The following PRRC2C variants were observed in gnomAD, a reference collection of about 807,000 sequenced individuals.
PRRC2C encodes the protein proline rich coiled-coil 2C.
A neutral mutation model predicts 317.2 loss-of-function variants in PRRC2C; 72 were observed. The observed-to-expected ratio is 0.23, with a 90% CI of 0.19 to 0.28. The LOEUF is 0.28. Among genes scored for constraint, PRRC2C ranks in the 10% least tolerant of loss-of-function variants. PRRC2C has a pLI of 1.00. For missense variants in PRRC2C, 3,074 were observed against 3,459.7 expected (o/e 0.89, Z 2.80); for synonymous variants, 1,296 against 1,205.9 (o/e 1.07, Z -1.55).
Position 171,550,103 on chromosome 1 carries a change from G to T in PRRC2C, c.4990G>T (p.Asp1664Tyr). The change falls in exon 18 of 35, where the codon GAT becomes TAT. Residue 1664 changes from aspartate (D) to tyrosine (Y), a missense_variant. Transcript: ENST00000647382. ...NNYASVVIID[D>Y]HPEVTVIEDP... ...ACCCACAGGTGTTGTTATAATTGATGATCATCCTGAAGTAACAGTAATTGA... is the reference window on the plus strand; with the variant it reads ...ACCCACAGGTGTTGTTATAATTGATTATCATCCTGAAGTAACAGTAATTGA... 1 of 1,601,414 alleles carries T rather than the reference G, an allele frequency of 6.2e-7. No individual in the cohort carries two copies. Among genetic ancestry groups the T allele is most frequent in the South Asian group, 1.1e-5 (1 of 88,758 alleles).
intron 1 of PRRC2C, among the ~76,000 whole-genome samples, chr1:171,487,969 G>A (rs1666434524): frequency 9.5e-6 from 1 of 105,290 alleles, no homozygotes; most frequent in Non-Finnish European, 2.1e-5. Context: ...AATATCCCTG[G>A]GATGAGTATC....
chr1:171,488,485 G>A (rs1053573792), intron 1 of PRRC2C, among the ~76,000 whole-genome samples: 1 of 152,184 alleles, frequency 6.6e-6, no homozygotes, highest in Non-Finnish European at 1.5e-5. Context: ...TCTATAGAGA[G>A]GGTAACTTTA....
chr1:171,508,820 A>G (rs1003722475), intron 1 of PRRC2C, among the ~76,000 whole-genome samples: 2 of 152,196 alleles, frequency 1.3e-5, no homozygotes, highest in South Asian at 2.1e-4. Flanking sequence ...TTCTTATAAC[A>G]TATTTACATT....
chr1:171,517,718 G>A lies in PRRC2C; in HGVS notation c.654G>A (p.Val218=), dbSNP rs1672636474. Residue 218 remains valine (V), a synonymous_variant, in exon 6 of 35, where the codon GTG becomes GTA. Coordinates refer to ENST00000647382, the MANE Select transcript of PRRC2C (RefSeq NM_001387844.1). ...GTSEQNDILK[V]VEKRIACGPP... The stretch of plus-strand genomic sequence containing the variant: ...CAGAGCAAAATGATATCCTCAAAGT[G>A]GTGGAAAAGAGGATAGCTTGTGGTC... The A allele has an allele frequency of 1.2e-6, 2 of 1,613,728 alleles. No individual in the cohort carries two copies. Among genetic ancestry groups the A allele is most frequent in the Non-Finnish European group, 1.7e-6 (2 of 1,179,842 alleles).
chr1:171,541,915 A>G lies in PRRC2C; in HGVS notation c.4449A>G (p.Pro1483=), dbSNP rs752346282. The G allele has an allele frequency of 2.5e-6, 4 of 1,613,924 alleles. No homozygotes were observed. The South Asian group carries it at 4.4e-5, about 18-fold the overall frequency. Reference sequence around the variant, plus strand: ...GGGATATTTCCGGGAATAAGACACCAGATTTATCTAATCAGAACTCTTCAG... The same window carrying G: ...GGGATATTTCCGGGAATAAGACACCGGATTTATCTAATCAGAACTCTTCAG... ...TLGDISGNKT[P]DLSNQNSSDQ... is the part of the protein sequence containing the mutation. Residue 1483 remains proline, a synonymous_variant, in exon 16 of 35, where the codon CCA becomes CCG. Transcript: ENST00000647382. The surrounding 1 kb of genome is among the most constrained non-coding windows in gnomAD (Gnocchi z 4.1).
intron 15 of PRRC2C, among the ~76,000 whole-genome samples, chr1:171,539,522 A>G (rs59025168): frequency 0.082 from 12,400 of 152,018 alleles, 1,672 homozygotes; most frequent in African/African-American, 0.28. Context: ...TATTTCCTAT[A>G]TTATACCTAT....
chr1:171,561,438 G>GC (rs1682692625), intron 20 of PRRC2C, among the ~76,000 whole-genome samples: 1 of 152,172 alleles, frequency 6.6e-6, no homozygotes, highest in Non-Finnish European at 1.5e-5. Flanking sequence ...AGGTGATAGA[G>GC]CAAGACCCCA....
chr1:171,552,167 A>C (rs1680377129), intron 18 of PRRC2C, among the ~76,000 whole-genome samples: 1 of 152,166 alleles, frequency 6.6e-6, no homozygotes, highest in Non-Finnish European at 1.5e-5. Context: ...CTTCTTGAAG[A>C]GGTCCTTCAC....
chr1:171,496,684 CACCAGAA>C (rs1466802102), intron 1 of PRRC2C, among the ~76,000 whole-genome samples: 1 of 152,108 alleles, frequency 6.6e-6, no homozygotes, highest in Admixed American at 6.6e-5. Context: ...ACCCTGTCAT[CACCAGAA>C]ACTTTAAATT....
At chr1:171,584,213 A>G in intron 29 of PRRC2C, 26 bp downstream of exon 29, 1 of 1,544,674 alleles carries the variant, frequency 6.5e-7, no homozygotes, top group Non-Finnish European at 8.9e-7. Flanking sequence ...AGAGCAATGC[A>G]CCCTCATTGT....
chr1:171,566,382 G>A lies in PRRC2C; in HGVS notation c.6267G>A (p.Arg2089=), dbSNP rs759607259. 25 of 1,587,886 alleles carry A rather than the reference G, an allele frequency of 1.6e-5. No individual in the cohort carries two copies. Among genetic ancestry groups the A allele is most frequent in the Admixed American group, 7.2e-5 (4 of 55,770 alleles). The change falls in exon 21 of 35, where the codon CGG becomes CGA. Residue 2089 remains arginine (R), a synonymous_variant. Coordinates refer to ENST00000647382, the MANE Select transcript of PRRC2C (RefSeq NM_001387844.1). The stretch of plus-strand genomic sequence containing the variant: ...AAATACCTGAACCTAAAGAACAGCG[G>A]CAGAAGCAGCCACGAGCAGGACCTA... The part of the protein sequence containing the change: ...ADKIPEPKEQ[R]QKQPRAGPIK...
chr1:171,566,226 T>C lies in PRRC2C; in HGVS notation c.6118-7T>C, dbSNP rs748811513. The stretch of plus-strand genomic sequence containing the variant: ...TGCAAGCAAGTTTTAAAATATTCTT[T>C]TACTAGGGAGCGAAGAATGGTCAAG... On this transcript the variant is annotated splice_polypyrimidine_tract_variant and splice_region_variant and intron_variant, in intron 20 of 34. Coordinates refer to ENST00000647382, the MANE Select transcript of PRRC2C (RefSeq NM_001387844.1). The C allele has an allele frequency of 6.2e-7, 1 of 1,601,592 alleles. No individual in the cohort carries two copies. The highest frequency in any genetic ancestry group is 1.3e-5 in the African/African-American group (1 of 74,766).
At chr1:171,588,544 A>C in intron 33 of PRRC2C, 39 bp downstream of exon 33, 1 of 1,586,532 alleles carries the variant, frequency 6.3e-7, no homozygotes, top group Non-Finnish European at 8.6e-7. Context: ...TTATTTACTT[A>C]AAAATAGTTG....
chr1:171,562,280 A>C (rs1229919573), intron 20 of PRRC2C, among the ~76,000 whole-genome samples: 1 of 152,148 alleles, frequency 6.6e-6, no homozygotes, highest in African/African-American at 2.4e-5. Context: ...ATGTAGCTGG[A>C]ATGAAGTAAG....
chr1:171,527,964 G>T, intron 11 of PRRC2C, 120 bp downstream of exon 11: 1 of 736,790 alleles, frequency 1.4e-6, no homozygotes, highest in South Asian at 1.7e-5. Flanking sequence ...TTTACCTTGT[G>T]ACTCTTACAT....
chr1:171,487,866 G>C (rs1174016530), intron 1 of PRRC2C, among the ~76,000 whole-genome samples: 1 of 152,000 alleles, frequency 6.6e-6, no homozygotes, highest in African/African-American at 2.4e-5. Flanking sequence ...TATTTCTTTA[G>C]GTACATAAGA....
chr1:171,534,103 AG>A (rs1276674458), intron 12 of PRRC2C, among the ~76,000 whole-genome samples: 1 of 152,218 alleles, frequency 6.6e-6, no homozygotes, highest in Non-Finnish European at 1.5e-5. Flanking sequence ...ATTTATATGC[AG>A]GGTTACCTTC....
intron 1 of PRRC2C, among the ~76,000 whole-genome samples, chr1:171,496,144 C>G (rs894342305): frequency 6.7e-6 from 1 of 150,194 alleles, no homozygotes; most frequent in Non-Finnish European, 1.5e-5. Context: ...GGGCACCCAT[C>G]AGTCCATCAG....
Position 171,565,295 on chromosome 1 carries a change from T to C in PRRC2C, c.6118-938T>C, listed in dbSNP as rs143446410. 2.1e-4 allele frequency among the ~76,000 whole-genome samples: 32 copies of C among 152,360 alleles called. No individual in the cohort carries two copies. In the East Asian group the frequency reaches 4.8e-3, roughly 23 times the overall value. The stretch of plus-strand genomic sequence containing the variant: ...CAGGGGCTTTCTCTGTCTACCAGTC[T>C]AGTAGCTGGTCTCTTAACCCTATTT... On this transcript the variant is annotated intron_variant, in intron 20 of 34. Transcript: ENST00000647382.
Sources: gnomAD v4.1 joint callset for allele counts (sites outside exome capture counted in the v4.1 genomes callset) on GRCh38, gnomAD v4.1.1 for gene constraint, Gnocchi (gnomAD v3.1) non-coding constraint, MANE v1.5 for transcripts, NCBI Gene and HGNC (gene_info 2026-07-23, HGNC 2026-07-21) for gene names.